The following CERKL variants were observed in gnomAD, a reference collection of about 807,000 sequenced individuals.
CERKL encodes the protein ceramide kinase-like protein.
In CERKL, 61 loss-of-function variants were observed where a neutral mutation model predicts 63.4. The ratio of observed to expected loss-of-function variants is 0.96; its 90% CI spans 0.78 to 1.19. The LOEUF is 1.19. Ranked by LOEUF, CERKL falls within the 50% of genes most tolerant of loss-of-function variation. The pLI is 0.00. For missense variants in CERKL, 675 were observed against 655.5 expected, an observed-to-expected ratio of 1.03 and a Z score of -0.33; for synonymous variants, 250 against 230.5, an observed-to-expected ratio of 1.08 and a Z score of -0.77.
At chr2:181,587,163 A>G (rs1245166046) in intron 2 of CERKL, among the ~76,000 whole-genome samples, 1 of 152,212 alleles carries the variant, frequency 6.6e-6, no homozygotes. Flanking sequence ...TCACCTTATT[A>G]TCCACAAAAG....
intron 2 of CERKL, among the ~76,000 whole-genome samples, chr2:181,591,283 G>GT (rs1475159438): frequency 6.6e-6 from 1 of 152,074 alleles, no homozygotes; most frequent in African/African-American, 2.4e-5. Flanking sequence ...CCTATAAGGG[G>GT]TAAGAGAGAT....
intron 1 of CERKL, among the ~76,000 whole-genome samples, chr2:181,621,438 G>C (rs6433927): frequency 0.22 from 33,178 of 152,070 alleles, 6,487 homozygotes; most frequent in African/African-American, 0.53. Flanking sequence ...TTTTGGAGTA[G>C]AAATTAGAGG....
chr2:181,551,514 A>G (rs1411767607), intron 5 of CERKL, among the ~76,000 whole-genome samples: 4 of 152,032 alleles, frequency 2.6e-5, no homozygotes, highest in Middle Eastern at 3.2e-3. Flanking sequence ...ACGAACAGAC[A>G]CTTCTCAAAA....
chr2:181,558,678 A>G lies in CERKL; in HGVS notation c.708T>C (p.Ala236=). 11 of 1,613,750 alleles carry G rather than the reference A, an allele frequency of 6.8e-6. No homozygotes were observed. The highest frequency in any genetic ancestry group is 8.5e-6 in the Non-Finnish European group (10 of 1,179,800). Residue 236 remains alanine, a synonymous_variant, in exon 5 of 13, where the codon GCT becomes GCC. Coordinates refer to ENST00000410087, the MANE Select transcript of CERKL (RefSeq NM_201548.5). The surrounding 1 kb of genome is among the most constrained non-coding windows in gnomAD (Gnocchi z 4.2). ...GAAGCAAAGCATGGGCTACTTCGCT[A>G]GCAGATCCATCTCCACCAACACAGA... ...GVVCVGGDGS[A]SEVAHALLLR...
chr2:181,539,475 G>A (rs1687390966), intron 11 of CERKL, among the ~76,000 whole-genome samples: 1 of 152,048 alleles, frequency 6.6e-6, no homozygotes, highest in African/African-American at 2.4e-5. Flanking sequence ...CTAGCACCTA[G>A]AAATCTTGTT....
intron 2 of CERKL, among the ~76,000 whole-genome samples, chr2:181,594,074 C>T (rs1233621018): frequency 3.3e-5 from 5 of 152,084 alleles, no homozygotes; most frequent in African/African-American, 1.2e-4. Context: ...ACAGAAGCAA[C>T]TAGAATAATG....
chr2:181,603,513 T>C (rs1685543558), intron 2 of CERKL, among the ~76,000 whole-genome samples: 1 of 152,098 alleles, frequency 6.6e-6, no homozygotes, highest in Non-Finnish European at 1.5e-5. Context: ...CAACAAAATA[T>C]TAACAAACCA....
chr2:181,581,550 T>G (rs751939189), intron 2 of CERKL, among the ~76,000 whole-genome samples: 1 of 152,170 alleles, frequency 6.6e-6, no homozygotes, highest in Admixed American at 6.5e-5. Flanking sequence ...AAAAGCAATA[T>G]TATATAGGAT....
chr2:181,544,089 T>A (rs1001110639), intron 11 of CERKL, among the ~76,000 whole-genome samples: 1 of 152,112 alleles, frequency 6.6e-6, no homozygotes, highest in Admixed American at 6.5e-5. Context: ...TTCACATAGT[T>A]CAAGGATCAT....
chr2:181,543,414 A>T (rs769224430), intron 11 of CERKL, among the ~76,000 whole-genome samples: 6 of 152,214 alleles, frequency 3.9e-5, no homozygotes, highest in Non-Finnish European at 8.8e-5. Flanking sequence ...ATCTACTTTG[A>T]CATATAAAGA....
chr2:181,648,417 G>A (rs73043025), intron 1 of CERKL, among the ~76,000 whole-genome samples: 1 of 151,846 alleles, frequency 6.6e-6, no homozygotes, highest in Non-Finnish European at 1.5e-5. Flanking sequence ...AAAAAAAAAC[G>A]AGTCTCGGCC....
Position 181,544,743 on chromosome 2 carries a change from T to G in CERKL, c.1322A>C (p.Glu441Ala). The change falls in exon 11 of 13, where the codon GAA becomes GCA. Residue 441 changes from glutamate (E) to alanine (A), a missense_variant. By Grantham distance (107) the Glu-to-Ala change is moderately radical (BLOSUM62 -1). Coordinates refer to ENST00000410087, the MANE Select transcript of CERKL (RefSeq NM_201548.5). Reference protein sequence around the residue: ...LIIARNTSRPEFIKHLKRYAS... With the variant: ...LIIARNTSRPAFIKHLKRYAS... ...ATATCTTTTCAGGTGTTTTATAAAT[T>G]CTGGCCGAGAAGTGTTTCGGGCAAT... 6.2e-6 allele frequency: 10 copies of G among 1,609,398 alleles called. No homozygotes were observed. The highest frequency in any genetic ancestry group is 8.5e-6 in the Non-Finnish European group (10 of 1,177,060).
In CERKL at chr2:181,537,946, G is replaced by A. The variant is rs933980816; in HGVS notation, c.*238C>T. The A allele has an allele frequency of 4.8e-6, 3 of 621,048 alleles. No individual in the cohort carries two copies. The highest frequency in any genetic ancestry group is 3.6e-5 in the African/African-American group (2 of 55,266). The allele number at this position is 621,048 out of a possible 1,614,324, so 38.5% of individuals were successfully genotyped here. On this transcript the variant is annotated 3_prime_UTR_variant, in exon 13 of 13. Transcript: ENST00000410087. ...AGCAGCATTAGATTCTCATAGAAGT[G>A]CGAACCATATGGTGAACTGGTATGT... is the stretch of plus-strand genomic sequence containing the variant.
chr2:181,590,792 C>T (rs919107791), intron 2 of CERKL, among the ~76,000 whole-genome samples: 1 of 152,108 alleles, frequency 6.6e-6, no homozygotes, highest in African/African-American at 2.4e-5. Flanking sequence ...GTTGGTGAGG[C>T]TTTGAAGTAA....
At chr2:181,641,978 G>A (rs1405483816) in intron 1 of CERKL, among the ~76,000 whole-genome samples, 1 of 152,084 alleles carries the variant, frequency 6.6e-6, no homozygotes, top group Non-Finnish European at 1.5e-5. Context: ...AAACTTTTGA[G>A]GCTATTTTTA....
Position 181,548,546 on chromosome 2 carries a change from T to C in CERKL, c.1132A>G (p.Arg378Gly). 1.2e-6 allele frequency: 2 copies of C among 1,607,868 alleles called. No homozygotes were observed. Among genetic ancestry groups the C allele is most frequent in the Non-Finnish European group, 1.7e-6 (2 of 1,174,834 alleles). Residue 378 changes from arginine to glycine, a missense_variant and splice_region_variant, in exon 8 of 13, where the codon AGG becomes GGG. By Grantham distance (125) the Arg-to-Gly change is moderately radical. Coordinates refer to ENST00000410087, the MANE Select transcript of CERKL (RefSeq NM_201548.5). ...GTATTACATTGAGTTTTTACCTACC[T>C]TTCTTGCACATCATCAGAGCTGTTA... ...PFNSSDDVQE[R>G]RAQGSPKSDC...
chr2:181,645,664 C>G (rs147475939), intron 1 of CERKL, among the ~76,000 whole-genome samples: 80 of 152,344 alleles, frequency 5.3e-4, no homozygotes, highest in African/African-American at 1.7e-3. Context: ...TCTCTGAATC[C>G]AGGTTCAGGC....
chr2:181,567,074 G>C (rs1193806433), intron 3 of CERKL, among the ~76,000 whole-genome samples: 1 of 152,074 alleles, frequency 6.6e-6, no homozygotes, highest in African/African-American at 2.4e-5. Flanking sequence ...GTGTCTAAAA[G>C]AATCATTCTG....
chr2:181,620,065 A>AATTAATAG, intron 1 of CERKL, among the ~76,000 whole-genome samples: 1 of 152,202 alleles, frequency 6.6e-6, no homozygotes, highest in East Asian at 1.9e-4. Context: ...CTGAACCTCC[A>AATTAATAG]TGGGCAACTG....
Sources: allele counts gnomAD v4.1 joint callset (sites outside exome capture counted in the v4.1 genomes callset), GRCh38; gene constraint gnomAD v4.1.1; non-coding constraint Gnocchi (gnomAD v3.1); transcripts MANE v1.5; gene names NCBI Gene and HGNC (gene_info 2026-07-23, HGNC 2026-07-21).